Variants in RALGPS2 observed in about 807,000 individuals in gnomAD.
RALGPS2 encodes the protein ras-specific guanine nucleotide-releasing factor RalGPS2.
RALGPS2 carries 43 observed loss-of-function variants against 86.8 expected under a neutral mutation model. The ratio of observed to expected loss-of-function variants is 0.50; its 90% CI spans 0.39 to 0.64. The LOEUF is 0.64. RALGPS2 is among the 30% of genes least tolerant of loss of function. The pLI is 0.00. For synonymous variants in RALGPS2, 243 were observed against 231.3 expected (o/e 1.05, Z -0.46); for missense variants, 536 against 694.6 (o/e 0.77, Z 2.57).
chr1:178,756,956 A>T (rs1010750266), intron 1 of RALGPS2, among the ~76,000 whole-genome samples: 9 of 152,006 alleles, frequency 5.9e-5, no homozygotes, highest in Non-Finnish European at 1.3e-4. Flanking sequence ...TTTGCATCAT[A>T]TGTGATTTCT....
At chr1:178,846,983 ATTGAC>A (rs1275390293) in intron 8 of RALGPS2, among the ~76,000 whole-genome samples, 1 of 152,236 alleles carries the variant, frequency 6.6e-6, no homozygotes, top group Non-Finnish European at 1.5e-5. Flanking sequence ...AGGAGTTTAA[ATTGAC>A]TTGCTGTAAA....
Position 178,916,506 on chromosome 1 carries a change from A to G in RALGPS2, c.*147A>G, listed in dbSNP as rs1049248566. 1.8e-5 allele frequency: 12 copies of G among 652,778 alleles called. No homozygotes were observed. In the African/African-American group the frequency reaches 2.2e-4, roughly 12 times the overall value. The allele number at this position is 652,778 out of a possible 1,614,324, so 40.4% of individuals were successfully genotyped here. ...TGGAGTTCTCAACCAAAAAAGCACT[A>G]ATTTCAGGGAATGATTTGAGATATT... On this transcript the variant is annotated 3_prime_UTR_variant, in exon 20 of 20. Transcript: ENST00000367635.
In RALGPS2 at chr1:178,772,688, T is replaced by G. The variant is rs1021610044; in HGVS notation, c.-83-3994T>G. Reference sequence around the variant, plus strand: ...AGTTTACAAATGAATCAGCCCATACTTTCATAGTTTAGTTCAAATGTGACA... The same window carrying G: ...AGTTTACAAATGAATCAGCCCATACGTTCATAGTTTAGTTCAAATGTGACA... On this transcript the variant is annotated intron_variant, in intron 1 of 19. Transcript: ENST00000367635. Among the ~76,000 whole-genome samples, 4 of 152,248 alleles carry G rather than the reference T, an allele frequency of 2.6e-5. No homozygotes were observed. In the East Asian group the frequency reaches 7.7e-4, roughly 29 times the overall value.
Position 178,893,976 on chromosome 1 carries a change from A to G in RALGPS2, c.1383A>G (p.Gln461=). 1 of 1,608,440 alleles carries G rather than the reference A, an allele frequency of 6.2e-7. No homozygotes were observed. Among genetic ancestry groups the G allele is most frequent in the East Asian group, 2.2e-5 (1 of 44,668 alleles). Residue 461 remains glutamine (Q), a synonymous_variant, in exon 16 of 20, where the codon CAA becomes CAG. Coordinates refer to ENST00000367635, the MANE Select transcript of RALGPS2 (RefSeq NM_152663.5). The stretch of plus-strand genomic sequence containing the variant: ...TATATCCAGGAGCTGTTACTATTCA[A>G]GGTGTTCTCAGGAGAAAAACTTTGT... ...VHLYPGAVTI[Q]GVLRRKTLLK...
chr1:178,881,596 G>A (rs1221355714), intron 10 of RALGPS2, among the ~76,000 whole-genome samples: 1 of 151,976 alleles, frequency 6.6e-6, no homozygotes, highest in African/African-American at 2.4e-5. Flanking sequence ...GATTACAGGT[G>A]CCCGCCATCA....
At chr1:178,776,320 A>C (rs1653080132) in intron 1 of RALGPS2, among the ~76,000 whole-genome samples, 1 of 152,192 alleles carries the variant, frequency 6.6e-6, no homozygotes, top group Admixed American at 6.5e-5. Context: ...GGATCGCTAA[A>C]AATTTATTGT....
intron 4 of RALGPS2, among the ~76,000 whole-genome samples, chr1:178,789,720 A>G (rs1653856510): frequency 6.6e-6 from 1 of 152,208 alleles, no homozygotes; most frequent in Admixed American, 6.5e-5. Context: ...GATTATCAAG[A>G]GAGTGAATAC....
At chr1:178,774,791 T>C (rs1005869332) in intron 1 of RALGPS2, among the ~76,000 whole-genome samples, 5 of 152,358 alleles carry the variant, frequency 3.3e-5, no homozygotes, top group Admixed American at 1.3e-4. Context: ...CCTAGCACGA[T>C]GTTCTGCTCT....
chr1:178,767,968 C>T (rs1008453117), intron 1 of RALGPS2, among the ~76,000 whole-genome samples: 4 of 152,210 alleles, frequency 2.6e-5, no homozygotes, highest in Non-Finnish European at 5.9e-5. Flanking sequence ...TCTCGAACTC[C>T]TGGGCTCATA....
intron 2 of RALGPS2, among the ~76,000 whole-genome samples, chr1:178,780,303 C>T (rs1012341459): frequency 1.3e-5 from 2 of 152,120 alleles, no homozygotes; most frequent in African/African-American, 2.4e-5. Flanking sequence ...GGATCCAGTA[C>T]TTTTCTCCTT....
At chr1:178,839,946 G>T (rs1424761384) in intron 8 of RALGPS2, among the ~76,000 whole-genome samples, 2 of 152,150 alleles carry the variant, frequency 1.3e-5, no homozygotes, top group African/African-American at 4.8e-5. Context: ...AACAAGAAGA[G>T]CTAACTATCC....
At chr1:178,814,827 A>G (rs1022063863) in intron 6 of RALGPS2, among the ~76,000 whole-genome samples, 2 of 152,228 alleles carry the variant, frequency 1.3e-5, no homozygotes, top group Admixed American at 6.5e-5. Flanking sequence ...ATGTATGAAG[A>G]TGCCTGTTGC....
intron 4 of RALGPS2, among the ~76,000 whole-genome samples, chr1:178,793,477 T>G (rs567612074): frequency 1.3e-5 from 2 of 149,828 alleles, no homozygotes; most frequent in Non-Finnish European, 3.0e-5. Context: ...TGGGCTCAAG[T>G]GATCCTCCCA....
intron 8 of RALGPS2, among the ~76,000 whole-genome samples, chr1:178,863,261 A>G (rs1413667113): frequency 1.3e-5 from 2 of 152,220 alleles, no homozygotes; most frequent in African/African-American, 4.8e-5. Context: ...CTGGGGAAGT[A>G]TCAAAGATGA....
chr1:178,893,929 TCAGAAGATTTGG>T lies in RALGPS2; in HGVS notation c.1340_1351del (p.Glu447_Ala450del). ...TCTTCGTTATTATAGTTCTGCAGAA[TCAGAAGATTTGG>T]CAGTACATTTATATCCAGGAGCTGT... On this transcript the variant is annotated inframe_deletion, in exon 16 of 20. Transcript: ENST00000367635. The T allele has an allele frequency of 1.2e-6, 2 of 1,600,222 alleles. No individual in the cohort carries two copies. Among genetic ancestry groups the T allele is most frequent in the East Asian group, 4.5e-5 (2 of 44,592 alleles).
At chr1:178,906,752 C>T in intron 18 of RALGPS2, 24 bp from the exon 19 acceptor site, 1 of 1,565,642 alleles carries the variant, frequency 6.4e-7, no homozygotes, top group Non-Finnish European at 8.8e-7. Context: ...TTTAATATTT[C>T]CCCCTTATTT....
intron 8 of RALGPS2, among the ~76,000 whole-genome samples, chr1:178,835,833 A>G (rs1262629670): frequency 6.6e-6 from 1 of 152,112 alleles, no homozygotes; most frequent in East Asian, 1.9e-4. Flanking sequence ...CTCCAATTAT[A>G]CCTGCTGAAC....
chr1:178,904,631 T>C (rs1329855100), intron 18 of RALGPS2, among the ~76,000 whole-genome samples: 1 of 152,198 alleles, frequency 6.6e-6, no homozygotes, highest in Non-Finnish European at 1.5e-5. Context: ...TTTATGTTTT[T>C]GTTTGCTTTG....
intron 1 of RALGPS2, among the ~76,000 whole-genome samples, chr1:178,768,196 TGGTTAGGGACCA>T (rs1459213161): frequency 6.6e-6 from 1 of 152,246 alleles, no homozygotes; most frequent in African/African-American, 2.4e-5. Context: ...GTTTCCATTT[TGGTTAGGGACCA>T]TTGCTGGAGA....
Sources: gnomAD v4.1 joint callset for allele counts (sites outside exome capture counted in the v4.1 genomes callset) on GRCh38, gnomAD v4.1.1 for gene constraint, MANE v1.5 for transcripts, NCBI Gene and HGNC (gene_info 2026-07-23, HGNC 2026-07-21) for gene names.